The following NCOR1 variants were observed in gnomAD, a reference collection of about 807,000 sequenced individuals.
NCOR1 encodes the protein nuclear receptor corepressor 1, also known as protein phosphatase 1, regulatory subunit 109.
NCOR1 carries 63 observed loss-of-function variants against 288.1 expected under a neutral mutation model. The ratio of observed to expected loss-of-function variants is 0.22; its 90% CI spans 0.18 to 0.27. The LOEUF (loss-of-function observed/expected upper bound fraction) is 0.27. NCOR1 is among the 10% of genes least tolerant of loss of function. The pLI is 1.00. For missense variants in NCOR1, 2,397 were observed against 3,019.2 expected (o/e 0.79, Z 4.83); for synonymous variants, 1,007 against 1,065.9 (o/e 0.94, Z 1.08).
intron 10 of NCOR1, among the ~76,000 whole-genome samples, chr17:16,144,845 C>T (rs543541516): frequency 6.6e-5 from 10 of 151,418 alleles, no homozygotes; most frequent in African/African-American, 2.2e-4. Flanking sequence ...CCCTCTGTTG[C>T]CGAAGCTGGA....
intron 26 of NCOR1, among the ~76,000 whole-genome samples, chr17:16,076,522 C>T (rs1279442419): frequency 1.3e-5 from 2 of 152,168 alleles, no homozygotes; most frequent in Non-Finnish European, 2.9e-5. Flanking sequence ...AAGAACTCAA[C>T]GTCAACCATT....
In NCOR1 at chr17:16,202,142, T is replaced by G. The variant is rs541580512; in HGVS notation, c.-70-7503A>C. Among the ~76,000 whole-genome samples the G allele has an allele frequency of 2.0e-5, 3 of 149,570 alleles. No homozygotes were observed. The East Asian group carries it at 5.9e-4, about 29-fold the overall frequency. ...GGGAGGCTGGGGCAGGAGAATCGCT[T>G]GAACCCGGGAGGCAGAGGCTGCAGT... On this transcript the variant is annotated intron_variant, in intron 1 of 45. Transcript: ENST00000268712.
intron 3 of NCOR1, among the ~76,000 whole-genome samples, chr17:16,185,888 G>A (rs946787954): frequency 3.3e-5 from 5 of 151,722 alleles, no homozygotes; most frequent in Admixed American, 2.0e-4. Context: ...AATGAGCCAT[G>A]ATCATGCCAC....
intron 40 of NCOR1, among the ~76,000 whole-genome samples, chr17:16,052,788 C>T (rs2059471396): frequency 6.6e-6 from 1 of 152,072 alleles, no homozygotes; most frequent in Admixed American, 6.6e-5. Flanking sequence ...GGCAGAGACA[C>T]AACAATAAAA....
At chr17:16,036,719 C>T (rs552490097) in intron 44 of NCOR1, among the ~76,000 whole-genome samples, 1 of 152,282 alleles carries the variant, frequency 6.6e-6, no homozygotes, top group South Asian at 2.1e-4. Context: ...CCTCTCTGAG[C>T]CTTCAGAGAA....
intron 22 of NCOR1, 143 bp downstream of exon 22, chr17:16,091,720 A>C (rs1290842775): frequency 4.7e-6 from 7 of 1,478,910 alleles, no homozygotes; most frequent in Non-Finnish European, 6.3e-6. Flanking sequence ...GTTTAAGGTC[A>C]ATTTAAGGAA....
At chr17:16,142,224 C>A (rs965001387) in intron 11 of NCOR1, among the ~76,000 whole-genome samples, 1 of 152,122 alleles carries the variant, frequency 6.6e-6, no homozygotes, top group Non-Finnish European at 1.5e-5. Context: ...AGTATGAAAA[C>A]AGGAATTTTA....
chr17:16,040,557 C>G, intron 42 of NCOR1, 63 bp from the exon 43 acceptor site: 2 of 1,362,190 alleles, frequency 1.5e-6, no homozygotes, highest in South Asian at 2.5e-5. Flanking sequence ...AAACTAAAGT[C>G]TCAAAAAATT....
chr17:16,069,897 T>C (rs2061550353), intron 31 of NCOR1, among the ~76,000 whole-genome samples: 1 of 152,228 alleles, frequency 6.6e-6, no homozygotes, highest in Non-Finnish European at 1.5e-5. Flanking sequence ...CTTATGCAAT[T>C]GGCTGAAAAT....
Position 16,080,597 on chromosome 17 carries a change from A to G in NCOR1, c.3298+10T>C. ...ACGTAGATGCATTATGACTGTATTAACTCACTGACCTGATTTGGCAGATTC... is the reference window on the plus strand; with the variant it reads ...ACGTAGATGCATTATGACTGTATTAGCTCACTGACCTGATTTGGCAGATTC... On this transcript the variant is annotated intron_variant, in intron 24 of 45. Transcript: ENST00000268712. The G allele has an allele frequency of 6.2e-7, 1 of 1,614,132 alleles. No homozygotes were observed.
chr17:16,172,120 G>A (rs938279524), intron 3 of NCOR1, 125 bp from the exon 4 acceptor site: 20 of 716,206 alleles, frequency 2.8e-5, no homozygotes, highest in East Asian at 1.5e-4. Context: ...AAGTGAATCC[G>A]TACCCCTTCT....
chr17:16,039,850 G>T lies in NCOR1; in HGVS notation c.6734-196C>A, dbSNP rs1384198695. Reference sequence around the variant, plus strand: ...GTCGCACCCAGGCTGGAGTGCAGTGGCGCGATCTTGGCTCACTGCAACCTC... The same window carrying T: ...GTCGCACCCAGGCTGGAGTGCAGTGTCGCGATCTTGGCTCACTGCAACCTC... On this transcript the variant is annotated intron_variant, in intron 43 of 45. Coordinates refer to ENST00000268712, the MANE Select transcript of NCOR1 (RefSeq NM_006311.4). The T allele has an allele frequency of 9.3e-6, 5 of 534,998 alleles. No individual in the cohort carries two copies. In the East Asian group the frequency reaches 1.4e-4, roughly 15 times the overall value. The allele number at this position is 534,998 out of a possible 1,614,324, so 33.1% of individuals were successfully genotyped here.
At chr17:16,084,557 G>A (rs2063915153) in intron 23 of NCOR1, among the ~76,000 whole-genome samples, 2 of 152,278 alleles carry the variant, frequency 1.3e-5, no homozygotes, top group South Asian at 4.2e-4. Flanking sequence ...TATACTACAT[G>A]ATTTCAGGAC....
Position 16,039,495 on chromosome 17 carries a change from T to C in NCOR1, c.6893A>G (p.Asn2298Ser), listed in dbSNP as rs774282901. Residue 2298 changes from asparagine to serine, a missense_variant, in exon 44 of 46, where the codon AAC becomes AGC. Transcript: ENST00000268712. ...QPMGVVPGTA[N>S]TSVVTSGETR... ...CTCACCACTGGTCACAACTGAGGTG[T>C]TGGCAGTACCAGGCACTACTCCCAT... The C allele has an allele frequency of 3.5e-5, 57 of 1,614,002 alleles. No individual in the cohort carries two copies. The highest frequency in any genetic ancestry group is 2.9e-4 in the South Asian group (26 of 91,078).
In NCOR1 at chr17:16,075,594, C is replaced by T; in HGVS notation, c.3610G>A (p.Ala1204Thr). 1 of 1,614,230 alleles carries T rather than the reference C, an allele frequency of 6.2e-7. No homozygotes were observed. The highest frequency in any genetic ancestry group is 8.5e-7 in the Non-Finnish European group (1 of 1,180,048). ...TAAATAACATGGCCTTTGGATGCAGCTTCCTCTCTGCCTTTCTCAGGACTG... is the reference window on the plus strand; with the variant it reads ...TAAATAACATGGCCTTTGGATGCAGTTTCCTCTCTGCCTTTCTCAGGACTG... ...DSSPEKGREE[A>T]ASKGHVIYEG... is the part of the protein sequence containing the mutation. The change falls in exon 27 of 46, where the codon GCT (alanine) becomes ACT (threonine). Residue 1204 changes from alanine (A) to threonine (T), a missense_variant. Around this residue, in one of 11 missense-constraint regions of NCOR1, gnomAD observed 1,872 missense variants for 2,187.8 expected, o/e 0.86. Coordinates refer to ENST00000268712, the MANE Select transcript of NCOR1 (RefSeq NM_006311.4).
Position 16,075,606 on chromosome 17 carries a change from C to T in NCOR1, c.3598G>A (p.Gly1200Ser). 6.2e-7 allele frequency: 1 copy of T among 1,614,216 alleles called. No individual in the cohort carries two copies. Among genetic ancestry groups the T allele is most frequent in the Admixed American group, 1.7e-5 (1 of 60,022 alleles). ...CCTTTGGATGCAGCTTCCTCTCTGC[C>T]TTTCTCAGGACTGCTGTCTTCAATG... The part of the protein sequence containing the change: ...MPIEDSSPEK[G>S]REEAASKGHV... The change falls in exon 27 of 46, where the codon GGC becomes AGC. Residue 1200 changes from glycine (G) to serine (S), a missense_variant. Gly to Ser is a moderately conservative substitution (Grantham distance 56, BLOSUM62 0). Transcript: ENST00000268712.
intron 26 of NCOR1, among the ~76,000 whole-genome samples, chr17:16,079,625 A>G (rs906276947): frequency 1.3e-5 from 2 of 152,150 alleles, no homozygotes; most frequent in African/African-American, 2.4e-5. Context: ...GTAAGCAAAT[A>G]ATTCGTAATG....
At chr17:16,075,212 A>G (rs1304916091) in intron 27 of NCOR1, among the ~76,000 whole-genome samples, 1 of 152,168 alleles carries the variant, frequency 6.6e-6, no homozygotes, top group Non-Finnish European at 1.5e-5. Context: ...TAAAACATGA[A>G]TCTCTTCAAA....
intron 1 of NCOR1, among the ~76,000 whole-genome samples, chr17:16,213,813 G>A (rs1600686315): frequency 6.6e-6 from 1 of 152,170 alleles, no homozygotes; most frequent in African/African-American, 2.4e-5. Context: ...CATAGTTAGA[G>A]CAAGAATCAA....
Sources: allele counts gnomAD v4.1 joint callset (sites outside exome capture counted in the v4.1 genomes callset), GRCh38; gene constraint gnomAD v4.1.1; regional missense constraint gnomAD v4.1.1; transcripts MANE v1.5; gene names NCBI Gene and HGNC (gene_info 2026-07-23, HGNC 2026-07-21).